The following WIPF1 variants were observed in gnomAD, a reference collection of about 807,000 sequenced individuals.
The protein encoded by WIPF1 is WAS/WASL interacting protein family member 1, also known as WAS/WASL-interacting protein family member 1.
In WIPF1, 13 loss-of-function variants were observed where a neutral mutation model predicts 35.4. That is an observed-to-expected ratio of 0.37 (90% CI 0.24 to 0.58). The LOEUF is 0.58. Among genes scored for constraint, WIPF1 ranks in the 20% least tolerant of loss-of-function variants. The pLI is 0.74. For missense variants in WIPF1, 591 were observed against 667.0 expected, an observed-to-expected ratio of 0.89 and a Z score of 1.25; for synonymous variants, 267 against 266.3, an observed-to-expected ratio of 1.00 and a Z score of -0.02.
intron 1 of WIPF1, among the ~76,000 whole-genome samples, chr2:174,652,739 T>G (rs1687558846): frequency 6.6e-6 from 1 of 151,128 alleles, no homozygotes; most frequent in African/African-American, 2.4e-5. Context: ...GTGGAAGTAC[T>G]GGGGACTGAA....
At position 174,622,127 on chromosome 2, in the gene WIPF1, C is replaced by T. The variant is rs1489708097; in HGVS notation, c.-38-36516G>A. Reference sequence around the variant, plus strand: ...CCTTTTAGGTTATTAAATACCCTGACAGCAACCTGACTGAATTTAGAGCCA... The same window carrying T: ...CCTTTTAGGTTATTAAATACCCTGATAGCAACCTGACTGAATTTAGAGCCA... On this transcript the variant is annotated intron_variant, in intron 1 of 8. Transcript: ENST00000272746. This position sits in a 1 kb window ranked among gnomAD's most constrained non-coding sequence, Gnocchi z 5.1. Among the ~76,000 whole-genome samples, 1 of 152,116 alleles carries T rather than the reference C, an allele frequency of 6.6e-6. No individual in the cohort carries two copies. The highest frequency in any genetic ancestry group is 6.5e-5 in the Admixed American group (1 of 15,288).
At chr2:174,626,541 AAGTCTT>A (rs2105924083) in intron 1 of WIPF1, among the ~76,000 whole-genome samples, 1 of 152,102 alleles carries the variant, frequency 6.6e-6, no homozygotes, top group South Asian at 2.1e-4. Flanking sequence ...TCCCAAACAA[AAGTCTT>A]AGTATCTCCC....
At chr2:174,585,704 C>T (rs1685394384) in intron 1 of WIPF1, 93 bp from the exon 2 acceptor site, 5 of 848,254 alleles carry the variant, frequency 5.9e-6, no homozygotes, top group Non-Finnish European at 9.5e-6. Context: ...GACAGCTCCA[C>T]CTAGCTCAAC....
In WIPF1 at chr2:174,571,450, AGCT is replaced by A; in HGVS notation, c.1129+223_1129+225del. 1.6e-6 allele frequency: 1 copy of A among 639,192 alleles called. No individual in the cohort carries two copies. The highest frequency in any genetic ancestry group is 2.8e-6 in the Non-Finnish European group (1 of 358,596). 39.6% of individuals were successfully genotyped at this position (639,192 alleles called of 1,614,324 possible). On this transcript the variant is annotated intron_variant, in intron 5 of 7. Coordinates refer to ENST00000679041, the MANE Select transcript of WIPF1 (RefSeq NM_001375834.1). This position sits in a 1 kb window ranked among gnomAD's most constrained non-coding sequence, Gnocchi z 4.6. ...TAGCTCGTGACCATTTAACTTTATT[AGCT>A]ACTCAGTGTCCTCATCTCTAAAACA... is the stretch of plus-strand genomic sequence containing the variant.
At chr2:174,624,374 G>A (rs1686764839) in intron 1 of WIPF1, among the ~76,000 whole-genome samples, 1 of 152,114 alleles carries the variant, frequency 6.6e-6, no homozygotes, top group Non-Finnish European at 1.5e-5. Flanking sequence ...GCTGACCTCT[G>A]CTTATTACCT....
At chr2:174,639,661 G>C (rs1306236238) in intron 1 of WIPF1, among the ~76,000 whole-genome samples, 1 of 152,136 alleles carries the variant, frequency 6.6e-6, no homozygotes, top group Non-Finnish European at 1.5e-5. Context: ...CATTCGGTAG[G>C]TGATCTCTTC....
chr2:174,572,414 G>T lies in WIPF1; in HGVS notation c.391C>A (p.Pro131Thr). The change falls in exon 5 of 8, where the codon CCG becomes ACG. Residue 131 changes from proline to threonine, a missense_variant. Around this residue, in one of 3 missense-constraint regions of WIPF1, gnomAD observed 471 missense variants for 501.1 expected, o/e 0.94. Coordinates refer to ENST00000679041, the MANE Select transcript of WIPF1 (RefSeq NM_001375834.1). ...SGGSRPPLLPPGGRSTSAKPF... is the reference protein window; with the variant it reads ...SGGSRPPLLPTGGRSTSAKPF... ...TTCGCAGATGTGGATCTTCCTCCCG[G>T]TGGCAACAATGGTGGTCGGCTTCCT... 6.2e-7 allele frequency: 1 copy of T among 1,614,166 alleles called. No homozygotes were observed. Among genetic ancestry groups the T allele is most frequent in the Non-Finnish European group, 8.5e-7 (1 of 1,180,036 alleles).
At chr2:174,641,303 C>A (rs1358230172) in intron 1 of WIPF1, among the ~76,000 whole-genome samples, 9 of 152,214 alleles carry the variant, frequency 5.9e-5, no homozygotes, top group Non-Finnish European at 1.2e-4. Flanking sequence ...CATGCCTGGG[C>A]AACCTAATAT....
chr2:174,663,138 A>G (rs1196670766), intron 1 of WIPF1, among the ~76,000 whole-genome samples: 2 of 152,084 alleles, frequency 1.3e-5, no homozygotes, highest in Non-Finnish European at 2.9e-5. Flanking sequence ...GGTCCGGAGG[A>G]CCATCTATGG....
intron 4 of WIPF1, 121 bp from the exon 5 acceptor site, chr2:174,572,567 C>A (rs1178570006): frequency 7.7e-7 from 1 of 1,302,988 alleles, no homozygotes; most frequent in African/African-American, 1.5e-5. Flanking sequence ...ATACAGGAAA[C>A]TATTATTTAT....
chr2:174,561,220 C>G lies in WIPF1; in HGVS notation c.*1327G>C, dbSNP rs531213136. 7 of 152,756 alleles carry G rather than the reference C, an allele frequency of 4.6e-5. No individual in the cohort carries two copies. In the South Asian group the frequency reaches 1.4e-3, roughly 32 times the overall value. The allele number at this position is 152,756 out of a possible 1,614,324, so 9.5% of individuals were successfully genotyped here. ...CCCTCCAATTTCCACTAGCAATCTC[C>G]CTAATTCGCTCAACCCTTACATAAG... On this transcript the variant is annotated 3_prime_UTR_variant, in exon 8 of 8. Transcript: ENST00000679041.
At chr2:174,639,078 T>C (rs935331382) in intron 1 of WIPF1, among the ~76,000 whole-genome samples, 19 of 152,244 alleles carry the variant, frequency 1.2e-4, no homozygotes, top group Admixed American at 3.9e-4. Flanking sequence ...CCAACAGTGA[T>C]GAGTATTTCC....
intron 2 of WIPF1, among the ~76,000 whole-genome samples, chr2:174,584,132 C>T (rs778792666): frequency 2.6e-5 from 4 of 152,154 alleles, no homozygotes; most frequent in Admixed American, 6.5e-5. Context: ...CAGGAACTGA[C>T]GCTTTTGTAA....
intron 2 of WIPF1, among the ~76,000 whole-genome samples, chr2:174,584,704 G>C (rs1339845727): frequency 6.6e-6 from 1 of 151,366 alleles, no homozygotes; most frequent in Non-Finnish European, 1.5e-5. Flanking sequence ...CTGAGGTTAG[G>C]AGTTCAAGAC....
chr2:174,649,260 A>C (rs1022096326), intron 1 of WIPF1, among the ~76,000 whole-genome samples: 2 of 152,218 alleles, frequency 1.3e-5, no homozygotes, highest in African/African-American at 4.8e-5. Flanking sequence ...GGGTACACAC[A>C]CGTATATATT....
At chr2:174,608,631 C>T (rs1686249659) in intron 1 of WIPF1, among the ~76,000 whole-genome samples, 1 of 152,146 alleles carries the variant, frequency 6.6e-6, no homozygotes, top group Non-Finnish European at 1.5e-5. Flanking sequence ...AAAGAGGCTT[C>T]TTGCAACCCA....
At chr2:174,647,149 A>G (rs896972425) in intron 1 of WIPF1, among the ~76,000 whole-genome samples, 1 of 152,118 alleles carries the variant, frequency 6.6e-6, no homozygotes, top group Admixed American at 6.5e-5. Flanking sequence ...AGGCAGGAGA[A>G]TTGCTTTAAA....
At chr2:174,595,570 C>T (rs1467282624) in intron 1 of WIPF1, among the ~76,000 whole-genome samples, 31 of 152,044 alleles carry the variant, frequency 2.0e-4, no homozygotes, top group Non-Finnish European at 4.4e-5. Flanking sequence ...AGGTGAAGAA[C>T]GTAACACAAA....
At chr2:174,633,596 C>T (rs1687093529) in intron 1 of WIPF1, among the ~76,000 whole-genome samples, 1 of 152,234 alleles carries the variant, frequency 6.6e-6, no homozygotes. Context: ...TCTTTTTCCA[C>T]ATACAGGTCT....
Sources: gnomAD v4.1 joint callset for allele counts (sites outside exome capture counted in the v4.1 genomes callset) on GRCh38, gnomAD v4.1.1 for gene constraint, gnomAD v4.1.1 regional missense constraint, Gnocchi (gnomAD v3.1) non-coding constraint, MANE v1.5 for transcripts, NCBI Gene and HGNC (gene_info 2026-07-23, HGNC 2026-07-21) for gene names.